SF3A2: variants seen among roughly 807,000 people sequenced by gnomAD.
SF3A2 encodes SAP 62.
SF3A2 carries 5 observed loss-of-function variants against 31.1 expected under a neutral mutation model. That is an observed-to-expected ratio of 0.16 (90% CI 0.08 to 0.34). The LOEUF (loss-of-function observed/expected upper bound fraction) is 0.34, where lower values mean the gene tolerates loss of function less well. Ranked by LOEUF, SF3A2 falls within the 10% of genes least tolerant of loss-of-function variation. SF3A2 has a pLI of 1.00. For missense variants in SF3A2, 577 were observed against 643.9 expected, an observed-to-expected ratio of 0.90 and a Z score of 1.13; for synonymous variants, 365 against 263.7, an observed-to-expected ratio of 1.38 and a Z score of -3.72.
intron 1 of SF3A2, 155 bp downstream of exon 1, chr19:2,237,056 T>A (rs1274591061): frequency 6.7e-6 from 1 of 149,778 alleles, no homozygotes; most frequent in Non-Finnish European, 1.5e-5. Flanking sequence ...CGTCCGGCCT[T>A]GTGCATCCTG....
rs2024922422 is a variant in SF3A2 at position 2,245,310 on chromosome 19, C to T, written c.246-136C>T. 2 of 637,408 alleles carry T rather than the reference C, an allele frequency of 3.1e-6. No homozygotes were observed. The highest frequency in any genetic ancestry group is 5.5e-6 in the Non-Finnish European group (2 of 361,698). The allele number at this position is 637,408 out of a possible 1,614,324, so 39.5% of individuals were successfully genotyped here. A position where few individuals can be genotyped will look rare whatever the true frequency, so the allele number is the denominator to read the frequency against. ...CCTGTCCTCAGCCAAACCCCAGGGC[C>T]CCTCCCAGGCCCCTGGCCCTCCTCA... On this transcript the variant is annotated intron_variant, in intron 4 of 8. Coordinates refer to ENST00000221494, the MANE Select transcript of SF3A2 (RefSeq NM_007165.5). This position sits in a 1 kb window ranked among gnomAD's most constrained non-coding sequence, Gnocchi z 4.2.
At chr19:2,247,202 G>T (rs2024945564) in intron 7 of SF3A2, 180 bp downstream of exon 7, 1 of 49,646 alleles carries the variant, frequency 2.0e-5, no homozygotes, top group Non-Finnish European at 3.9e-5. Flanking sequence ...TCTGCAGGAG[G>T]GCCTGCTTGG....
chr19:2,244,291 C>T (rs1044283297), intron 2 of SF3A2, among the ~76,000 whole-genome samples: 3 of 152,154 alleles, frequency 2.0e-5, no homozygotes, highest in Non-Finnish European at 2.9e-5. Context: ...AAGGTGGTGT[C>T]GGGGGCTCCC....
Position 2,248,288 on chromosome 19 carries a change from G to A in SF3A2, c.1137G>A (p.Val379=), listed in dbSNP as rs1479300450. 29 of 1,378,330 alleles carry A rather than the reference G, an allele frequency of 2.1e-5. No homozygotes were observed. The highest frequency in any genetic ancestry group is 1.1e-4 in the South Asian group (7 of 62,086). The allele number at this position is 1,378,330 out of a possible 1,614,324, so 85.4% of individuals were successfully genotyped here. Reference sequence around the variant, plus strand: ...GGGTTCACCCCCAGGCCCCGGGGGTGCACCCAGCAGCCCCCGCCGTTCACC... The same window carrying A: ...GGGTTCACCCCCAGGCCCCGGGGGTACACCCAGCAGCCCCCGCCGTTCACC... ...SAGVHPQAPG[V]HPAAPAVHPQ... The change falls in exon 9 of 9, where the codon GTG becomes GTA. Residue 379 remains valine, a synonymous_variant. Transcript: ENST00000221494.
intron 1 of SF3A2, chr19:2,237,153 C>G (rs1416132672): frequency 6.6e-6 from 1 of 152,210 alleles, no homozygotes; most frequent in East Asian, 1.9e-4. Flanking sequence ...CGCGGGGCCT[C>G]ACGCCTGTAA....
At position 2,245,898 on chromosome 19, in the gene SF3A2, G is replaced by T. The variant is rs540386252; in HGVS notation, c.355+343G>T. The T allele has an allele frequency of 4.8e-5, 15 of 311,800 alleles. No individual in the cohort carries two copies. The highest frequency in any genetic ancestry group is 2.8e-4 in the African/African-American group (13 of 46,526). The allele number at this position is 311,800 out of a possible 1,614,324, so 19.3% of individuals were successfully genotyped here. A position where few individuals can be genotyped will look rare whatever the true frequency, so the allele number is the denominator to read the frequency against. On this transcript the variant is annotated intron_variant, in intron 5 of 8. Coordinates refer to ENST00000221494, the MANE Select transcript of SF3A2 (RefSeq NM_007165.5). This position sits in a 1 kb window ranked among gnomAD's most constrained non-coding sequence, Gnocchi z 4.2. ...CTGGCACATCCCTCCGGTTAACCTT[G>T]AAGCCTTTGAAGGAGGACAGGGAGA... is the stretch of plus-strand genomic sequence containing the variant.
In SF3A2 at chr19:2,248,539, C is replaced by T; in HGVS notation, c.1388C>T (p.Thr463Ile). ...GGGAACATACCTCCCCCTCCCCCAA[C>T]CAACTGAGAAGCTGCTCCCTCCCCC... ...GPGNIPPPPP[T>I]N The change falls in exon 9 of 9, where the codon ACC (threonine) becomes ATC (isoleucine). Residue 463 changes from threonine to isoleucine, a missense_variant. This residue lies in a region of SF3A2 where 462 missense variants were observed against 339.1 expected (regional missense o/e 1.36). Coordinates refer to ENST00000221494, the MANE Select transcript of SF3A2 (RefSeq NM_007165.5). The T allele has an allele frequency of 9.1e-7, 1 of 1,098,372 alleles. No individual in the cohort carries two copies. Among genetic ancestry groups the T allele is most frequent in the Non-Finnish European group, 1.2e-6 (1 of 831,200 alleles). 68.0% of individuals were successfully genotyped at this position (1,098,372 alleles called of 1,614,324 possible). A position where few individuals can be genotyped will look rare whatever the true frequency, so the allele number is the denominator to read the frequency against.
chr19:2,239,013 G>A (rs1568387526), intron 1 of SF3A2, among the ~76,000 whole-genome samples: 1 of 152,144 alleles, frequency 6.6e-6, no homozygotes, highest in African/African-American at 2.4e-5. Flanking sequence ...GTCTGAAAAC[G>A]AGTTTATTTA....
intron 1 of SF3A2, among the ~76,000 whole-genome samples, chr19:2,240,925 C>T (rs752573436): frequency 6.6e-6 from 1 of 152,204 alleles, no homozygotes; most frequent in African/African-American, 2.4e-5. Context: ...GGCTGAGCTC[C>T]GCTCCTCCTG....
At chr19:2,240,210 C>T (rs1180957152) in intron 1 of SF3A2, among the ~76,000 whole-genome samples, 1 of 152,182 alleles carries the variant, frequency 6.6e-6, no homozygotes, top group Non-Finnish European at 1.5e-5. Context: ...CGTGCTGGGC[C>T]GCCTGCCACC....
At position 2,248,318 on chromosome 19, in the gene SF3A2, GGCCCCAGGGGTGCACCCACCA is replaced by G. The variant is rs1237213167; in HGVS notation, c.1177_1197del (p.Val393_Gly399del). 33 of 1,356,822 alleles carry G rather than the reference GGCCCCAGGGGTGCACCCACCA, an allele frequency of 2.4e-5. No homozygotes were observed. The highest frequency in any genetic ancestry group is 5.3e-5 in the African/African-American group (3 of 56,832). 84.0% of individuals were successfully genotyped at this position (1,356,822 alleles called of 1,614,324 possible). On this transcript the variant is annotated inframe_deletion, in exon 9 of 9. Transcript: ENST00000221494. ...CAGCAGCCCCCGCCGTTCACCCTCA[GGCCCCAGGGGTGCACCCACCA>G]GCCCCAGGGATGCACCCTCAGGCCC...
At chr19:2,247,448 C>T in intron 7 of SF3A2, 146 bp from the exon 8 acceptor site, 2 of 733,566 alleles carry the variant, frequency 2.7e-6, no homozygotes, top group South Asian at 3.4e-5. Flanking sequence ...GAACTGAACC[C>T]TGTGCCCCAC....
chr19:2,248,352 C>T lies in SF3A2; in HGVS notation c.1201C>T (p.His401Tyr), dbSNP rs2024965432. 2.9e-6 allele frequency: 4 copies of T among 1,384,590 alleles called. No individual in the cohort carries two copies. The highest frequency in any genetic ancestry group is 1.7e-5 in the South Asian group (1 of 58,892). 85.8% of individuals were successfully genotyped at this position (1,384,590 alleles called of 1,614,324 possible). A position where few individuals can be genotyped will look rare whatever the true frequency, so the allele number is the denominator to read the frequency against. ...PGVHPPAPGMHPQAPGVHPQP... is the reference protein window; with the variant it reads ...PGVHPPAPGMYPQAPGVHPQP... ...GGTGCACCCACCAGCCCCAGGGATG[C>T]ACCCTCAGGCCCCGGGGGTCCACCC... The change falls in exon 9 of 9, where the codon CAC becomes TAC. Residue 401 changes from histidine (H) to tyrosine (Y), a missense_variant. Transcript: ENST00000221494.
At chr19:2,237,579 T>C (rs1020796703) in intron 1 of SF3A2, 3 of 152,122 alleles carry the variant, frequency 2.0e-5, no homozygotes, top group African/African-American at 7.2e-5. Flanking sequence ...CAAGACCCTG[T>C]TTGACAAAAT....
intron 1 of SF3A2, among the ~76,000 whole-genome samples, chr19:2,241,037 C>T (rs2024884258): frequency 6.6e-6 from 1 of 152,196 alleles, no homozygotes; most frequent in Non-Finnish European, 1.5e-5. Flanking sequence ...AGAGTGCAGG[C>T]TTGGGGGTAG....
At position 2,246,024 on chromosome 19, in the gene SF3A2, G is replaced by A. The variant is rs2024929088; in HGVS notation, c.355+469G>A. Among the ~76,000 whole-genome samples the A allele has an allele frequency of 6.6e-6, 1 of 152,236 alleles. No individual in the cohort carries two copies. The highest frequency in any genetic ancestry group is 1.5e-5 in the Non-Finnish European group (1 of 68,044). The stretch of plus-strand genomic sequence containing the variant: ...GGGGAAGTGACCAGGGTGGAAGATA[G>A]AGACTTGTGTCCATAGGGTTCAGGA... On this transcript the variant is annotated intron_variant, in intron 5 of 8. Coordinates refer to ENST00000221494, the MANE Select transcript of SF3A2 (RefSeq NM_007165.5). The surrounding 1 kb of genome is among the most constrained non-coding windows in gnomAD (Gnocchi z 5.5).
chr19:2,241,474 T>A (rs1192129000), intron 1 of SF3A2, among the ~76,000 whole-genome samples: 1 of 152,178 alleles, frequency 6.6e-6, no homozygotes, highest in African/African-American at 2.4e-5. Context: ...TGCTTGAATG[T>A]CCTCCAGAGA....
At chr19:2,239,338 CAG>C (rs1011791895) in intron 1 of SF3A2, among the ~76,000 whole-genome samples, 1 of 122,858 alleles carries the variant, frequency 8.1e-6, no homozygotes, top group African/African-American at 3.2e-5. Flanking sequence ...GCCTGGGCGA[CAG>C]AGCGAGAATC....
Position 2,248,163 on chromosome 19 carries a change from C to A in SF3A2, c.1012C>A (p.Pro338Thr). ...CCACCCCCCAGCTCCTGGAGTCCAC[C>A]CTCCAGCCCCCGGGGTTCACCCACC... ...GVHPPAPGVH[P>T]PAPGVHPPAP... Residue 338 changes from proline (P) to threonine (T), a missense_variant, in exon 9 of 9, where the codon CCT becomes ACT. Around this residue, in one of 6 missense-constraint regions of SF3A2, gnomAD observed 462 missense variants for 339.1 expected, o/e 1.36. Coordinates refer to ENST00000221494, the MANE Select transcript of SF3A2 (RefSeq NM_007165.5). The A allele has an allele frequency of 1.4e-6, 2 of 1,478,364 alleles. No individual in the cohort carries two copies. The highest frequency in any genetic ancestry group is 1.8e-6 in the Non-Finnish European group (2 of 1,091,918). 91.6% of individuals were successfully genotyped at this position (1,478,364 alleles called of 1,614,324 possible).
Sources: allele counts gnomAD v4.1 joint callset (sites outside exome capture counted in the v4.1 genomes callset), GRCh38; gene constraint gnomAD v4.1.1; regional missense constraint gnomAD v4.1.1; non-coding constraint Gnocchi (gnomAD v3.1); transcripts MANE v1.5; gene names NCBI Gene and HGNC (gene_info 2026-07-23, HGNC 2026-07-21).